The following SH3RF3 variants were observed in gnomAD, a reference collection of about 807,000 sequenced individuals.
The protein encoded by SH3RF3 is E3 ubiquitin-protein ligase SH3RF3.
Under a neutral mutation model 66.3 loss-of-function variants are expected in SH3RF3, and 29 were observed. The ratio of observed to expected loss-of-function variants is 0.44; its 90% confidence interval spans 0.33 to 0.60. The LOEUF (loss-of-function observed/expected upper bound fraction) is 0.60. SH3RF3 is among the 20% of genes least tolerant of loss of function. The probability of loss-of-function intolerance (pLI) is 0.04; values close to 1 mark genes in which losing one functional copy is unlikely to be tolerated. For missense variants in SH3RF3, 1,194 were observed against 1,190.9 expected (o/e 1.00, Z -0.04); for synonymous variants, 583 against 532.0 (o/e 1.10, Z -1.32).
At chr2:109,169,502 C>T (rs546963118) in intron 1 of SH3RF3, among the ~76,000 whole-genome samples, 63 of 152,190 alleles carry the variant, frequency 4.1e-4, no homozygotes, top group African/African-American at 1.5e-3. Context: ...TATCTCTGCT[C>T]TGTGCTCTCT....
intron 1 of SH3RF3, among the ~76,000 whole-genome samples, chr2:109,136,652 C>T (rs1676821256): frequency 6.6e-6 from 1 of 152,196 alleles, no homozygotes; most frequent in Non-Finnish European, 1.5e-5. Flanking sequence ...AGAAGAGTCA[C>T]TGCGCTCTTG....
intron 3 of SH3RF3, among the ~76,000 whole-genome samples, chr2:109,380,979 C>T (rs536028707): frequency 1.3e-5 from 2 of 152,212 alleles, no homozygotes; most frequent in Non-Finnish European, 2.9e-5. Context: ...TGCTGATTGC[C>T]GACTGTTTTG....
intron 1 of SH3RF3, among the ~76,000 whole-genome samples, chr2:109,255,642 G>C (rs1008300567): frequency 6.6e-6 from 1 of 152,176 alleles, no homozygotes; most frequent in Non-Finnish European, 1.5e-5. Context: ...AGAACTGTTG[G>C]GAACAACCTT....
chr2:109,420,924 A>G (rs1204556255), intron 5 of SH3RF3, among the ~76,000 whole-genome samples: 5 of 152,138 alleles, frequency 3.3e-5, no homozygotes, highest in South Asian at 4.1e-4. Context: ...TAATTAACCA[A>G]TGTAATGAAA....
intron 1 of SH3RF3, among the ~76,000 whole-genome samples, chr2:109,138,973 GTAATAAGAGA>G (rs1676875259): frequency 6.6e-6 from 1 of 152,238 alleles, no homozygotes; most frequent in Non-Finnish European, 1.5e-5. Context: ...TTGACATGTG[GTAATAAGAGA>G]CATGAAGACA....
At chr2:109,372,880 C>T (rs905502522) in intron 3 of SH3RF3, among the ~76,000 whole-genome samples, 17 of 152,234 alleles carry the variant, frequency 1.1e-4, no homozygotes, top group African/African-American at 2.7e-4. Context: ...ACACAGTGTG[C>T]AGATACTTAA....
chr2:109,398,500 G>A (rs2104439513), intron 3 of SH3RF3, 90 bp from the exon 4 acceptor site: 1 of 1,177,938 alleles, frequency 8.5e-7, no homozygotes, highest in South Asian at 1.5e-5. Flanking sequence ...GCCAGTTTGT[G>A]AATGGAAATG....
chr2:109,318,329 C>A (rs1245454076), intron 1 of SH3RF3, among the ~76,000 whole-genome samples: 1 of 152,036 alleles, frequency 6.6e-6, no homozygotes, highest in African/African-American at 2.4e-5. Context: ...CCTCCCGGCC[C>A]CCAGCCCGGT....
At chr2:109,139,780 G>A (rs1333057534) in intron 1 of SH3RF3, among the ~76,000 whole-genome samples, 1 of 152,242 alleles carries the variant, frequency 6.6e-6, no homozygotes, top group Non-Finnish European at 1.5e-5. Flanking sequence ...GAACAATGGA[G>A]TTTAAGACTT....
Position 109,490,738 on chromosome 2 carries a change from G to T in SH3RF3, c.2282G>T (p.Gly761Val), listed in dbSNP as rs1467267815. 6.5e-7 allele frequency: 1 copy of T among 1,536,140 alleles called. No homozygotes were observed. The highest frequency in any genetic ancestry group is 8.7e-7 in the Non-Finnish European group (1 of 1,146,252). Residue 761 changes from glycine to valine, a missense_variant, in exon 9 of 10, where the codon GGC (glycine) becomes GTC (valine). By Grantham distance (109) the Gly-to-Val change is moderately radical. Transcript: ENST00000309415. ...AVDALLQGAV[G>V]PEVSSLSIHG... ...GACGCCCTGCTCCAAGGTGCAGTGG[G>T]CCCCGAAGTGTCCTCACTGTCCATC...
chr2:109,145,997 C>A (rs1050708251), intron 1 of SH3RF3, among the ~76,000 whole-genome samples: 1 of 149,860 alleles, frequency 6.7e-6, no homozygotes, highest in Non-Finnish European at 1.5e-5. Flanking sequence ...GCAGTGTGAC[C>A]TCCCGGCCGC....
intron 1 of SH3RF3, among the ~76,000 whole-genome samples, chr2:109,133,322 G>A (rs747754615): frequency 6.6e-5 from 10 of 152,184 alleles, no homozygotes; most frequent in Non-Finnish European, 1.5e-4. Context: ...CATTGGATCC[G>A]TTTGAAAATC....
chr2:109,131,384 A>G (rs1676691056), intron 1 of SH3RF3, among the ~76,000 whole-genome samples: 1 of 152,230 alleles, frequency 6.6e-6, no homozygotes, highest in Non-Finnish European at 1.5e-5. Flanking sequence ...TGCTTGCGTT[A>G]GAAATTTTCA....
chr2:109,167,429 C>A (rs981876110), intron 1 of SH3RF3, among the ~76,000 whole-genome samples: 3 of 152,128 alleles, frequency 2.0e-5, no homozygotes, highest in African/African-American at 7.2e-5. Context: ...TATATCCTGG[C>A]AAGGGGTGAT....
At chr2:109,384,830 T>C (rs4676082) in intron 3 of SH3RF3, among the ~76,000 whole-genome samples, 72,090 of 151,762 alleles carry the variant, frequency 0.48, 17,207 homozygotes, top group Middle Eastern at 0.55. Flanking sequence ...GGCCTCAGGG[T>C]AACTCCAACC....
At chr2:109,484,015 A>AGCCTCCTCAGTTGGC (rs1383479507) in intron 8 of SH3RF3, among the ~76,000 whole-genome samples, 2 of 148,136 alleles carry the variant, frequency 1.4e-5, no homozygotes, top group Non-Finnish European at 3.0e-5. Context: ...AGACAACCCC[A>AGCCTCCTCAGTTGGC]GCCTCCTCAG....
Position 109,327,134 on chromosome 2 carries a change from C to CTA in SH3RF3, c.574-20539_574-20538dup, listed in dbSNP as rs568975084. ...TTGTGTCTTATTTAAAAATCATTTC[C>CTA]TACCCTGGAGCTTTTTATTAACTTT... On this transcript the variant is annotated intron_variant, in intron 1 of 9. Coordinates refer to ENST00000309415, the MANE Select transcript of SH3RF3 (RefSeq NM_001099289.3). 3.3e-5 allele frequency among the ~76,000 whole-genome samples: 5 copies of CTA among 152,212 alleles called. No homozygotes were observed. The South Asian group carries it at 1.0e-3, about 32-fold the overall frequency.
intron 1 of SH3RF3, among the ~76,000 whole-genome samples, chr2:109,216,383 C>T (rs1485948676): frequency 6.6e-6 from 1 of 152,230 alleles, no homozygotes; most frequent in East Asian, 1.9e-4. Context: ...AGCTCCAAAA[C>T]CACCCTCTGT....
At chr2:109,422,163 A>T (rs1676899526) in intron 5 of SH3RF3, among the ~76,000 whole-genome samples, 1 of 152,224 alleles carries the variant, frequency 6.6e-6, no homozygotes, top group African/African-American at 2.4e-5. Context: ...GAAATTGAAC[A>T]TGAGATGTGC....
Sources: allele counts gnomAD v4.1 joint callset (sites outside exome capture counted in the v4.1 genomes callset), GRCh38; gene constraint gnomAD v4.1.1; transcripts MANE v1.5; gene names NCBI Gene and HGNC (gene_info 2026-07-23, HGNC 2026-07-21).